NSD2: variants seen among roughly 807,000 people sequenced by gnomAD.
The protein encoded by NSD2 is histone-lysine N-methyltransferase NSD2.
A neutral mutation model predicts 139.0 loss-of-function variants in NSD2; 12 were observed. The observed-to-expected ratio is 0.09, with a 90% CI of 0.06 to 0.14. The LOEUF (loss-of-function observed/expected upper bound fraction) is 0.14. Ranked by LOEUF, NSD2 falls within the 10% of genes least tolerant of loss-of-function variation. The pLI is 1.00. For missense variants in NSD2, 1,155 were observed against 1,745.0 expected (o/e 0.66, Z 6.02); for synonymous variants, 669 against 648.7 (o/e 1.03, Z -0.48).
At chr4:1,960,082 C>T (rs1278698898) in intron 17 of NSD2, among the ~76,000 whole-genome samples, 1 of 152,058 alleles carries the variant, frequency 6.6e-6, no homozygotes, top group East Asian at 1.9e-4. Context: ...TCATTTCGAA[C>T]TCCTGGCCCC....
intron 9 of NSD2, chr4:1,945,561 C>T: frequency 1.9e-6 from 2 of 1,065,536 alleles, no homozygotes; most frequent in Non-Finnish European, 2.3e-6. Context: ...CCTGAGAAGG[C>T]TCTTGCCAGA....
In NSD2 at chr4:1,918,256, A is replaced by G. The variant is rs752594374; in HGVS notation, c.1043A>G (p.Tyr348Cys). The G allele has an allele frequency of 2.5e-6, 4 of 1,613,804 alleles. No homozygotes were observed. The highest frequency in any genetic ancestry group is 1.3e-5 in the African/African-American group (1 of 74,930). ...EERKAKFTFLYVGDQLHLNPQ... is the reference protein window; with the variant it reads ...EERKAKFTFLCVGDQLHLNPQ... Reference sequence around the variant, plus strand: ...CGGAAAGCCAAGTTCACCTTTCTCTATGTGGGGGACCAGCTTCATCTCAAC... The same window carrying G: ...CGGAAAGCCAAGTTCACCTTTCTCTGTGTGGGGGACCAGCTTCATCTCAAC... Residue 348 changes from tyrosine (Y) to cysteine (C), a missense_variant, in exon 5 of 22, where the codon TAT (tyrosine) becomes TGT (cysteine). Physicochemically the swap from Tyr to Cys is radical, Grantham distance 194. Around this residue, in one of 8 missense-constraint regions of NSD2, gnomAD observed 420 missense variants for 469.0 expected, o/e 0.90. Transcript: ENST00000508803.
chr4:1,947,376 G>A, intron 9 of NSD2: 3 of 1,061,648 alleles, frequency 2.8e-6, no homozygotes, highest in Non-Finnish European at 1.1e-6. Flanking sequence ...ACAAAAGCCT[G>A]TGCAGGTTAG....
chr4:1,959,653 C>T lies in NSD2; in HGVS notation c.3168C>T (p.Cys1056=), dbSNP rs760070505. The T allele has an allele frequency of 6.2e-7, 1 of 1,614,102 alleles. No homozygotes were observed. Among genetic ancestry groups the T allele is most frequent in the South Asian group, 1.1e-5 (1 of 91,080 alleles). The part of the protein sequence containing the change: ...CPAGEFCQNQ[C]FTKRQYPETK... ...CGGGCGAGTTCTGCCAGAACCAGTG[C>T]TTCACCAAGCGCCAGTACCCAGAGA... Residue 1056 remains cysteine (C), a synonymous_variant, in exon 17 of 22, where the codon TGC becomes TGT. Coordinates refer to ENST00000508803, the MANE Select transcript of NSD2 (RefSeq NM_001042424.3).
At chr4:1,883,190 TTC>T (rs1714831505) in intron 1 of NSD2, among the ~76,000 whole-genome samples, 2 of 152,174 alleles carry the variant, frequency 1.3e-5, no homozygotes, top group Admixed American at 6.5e-5. Context: ...ATAGCATTCT[TTC>T]TGTGTGCATT....
At chr4:1,943,018 C>T in intron 9 of NSD2, 2 of 1,050,632 alleles carry the variant, frequency 1.9e-6, no homozygotes, top group Non-Finnish European at 1.1e-6. Context: ...CCATTTAACC[C>T]TTTTGATCCA....
intron 1 of NSD2, among the ~76,000 whole-genome samples, chr4:1,890,088 C>G (rs976490797): frequency 1.3e-5 from 2 of 152,100 alleles, no homozygotes; most frequent in African/African-American, 4.8e-5. Context: ...CAGCATGTGG[C>G]CTTTGTATCT....
chr4:1,979,536 A>G lies in NSD2; in HGVS notation c.*627A>G, dbSNP rs1359912505. On this transcript the variant is annotated 3_prime_UTR_variant, in exon 22 of 22. Transcript: ENST00000508803. Reference sequence around the variant, plus strand: ...GTGGTGGCAGCAATGGTGTTGTAAGATTTCCTCCCGTAGTTTTTTCTCCTC... The same window carrying G: ...GTGGTGGCAGCAATGGTGTTGTAAGGTTTCCTCCCGTAGTTTTTTCTCCTC... 4.3e-6 allele frequency: 1 copy of G among 232,834 alleles called. No individual in the cohort carries two copies. Among genetic ancestry groups the G allele is most frequent in the Admixed American group, 5.6e-5 (1 of 17,758 alleles). 14.4% of individuals were successfully genotyped at this position (232,834 alleles called of 1,614,324 possible). A position where few individuals can be genotyped will look rare whatever the true frequency, so the allele number is the denominator to read the frequency against.
chr4:1,886,093 C>T (rs961478347), intron 1 of NSD2, among the ~76,000 whole-genome samples: 1 of 152,194 alleles, frequency 6.6e-6, no homozygotes, highest in Admixed American at 6.5e-5. Flanking sequence ...GAAACTAAAG[C>T]GCGTCCATTG....
chr4:1,970,545 A>T (rs1726349663), intron 18 of NSD2, among the ~76,000 whole-genome samples: 1 of 152,058 alleles, frequency 6.6e-6, no homozygotes, highest in African/African-American at 2.4e-5. Flanking sequence ...GCGTACTCAG[A>T]ATGTTGCCCC....
At chr4:1,872,627 A>AGAGC in intron 1 of NSD2, among the ~76,000 whole-genome samples, 1 of 143,236 alleles carries the variant, frequency 7.0e-6, no homozygotes, top group Admixed American at 7.4e-5. Flanking sequence ...AGAGAGAGAG[A>AGAGC]GAGAGAGAGC....
intron 18 of NSD2, among the ~76,000 whole-genome samples, chr4:1,963,012 C>T (rs1725521897): frequency 6.6e-6 from 1 of 152,096 alleles, no homozygotes. Flanking sequence ...CTCTGGCATA[C>T]CCTATGACAT....
intron 1 of NSD2, among the ~76,000 whole-genome samples, chr4:1,897,950 T>A (rs895292629): frequency 1.6e-4 from 25 of 152,138 alleles, no homozygotes; most frequent in African/African-American, 5.8e-4. Flanking sequence ...AATCTGTACA[T>A]TTGTGTCTTA....
At chr4:1,941,834 C>T (rs1418136600) in intron 9 of NSD2, 19 of 1,053,840 alleles carry the variant, frequency 1.8e-5, no homozygotes, top group Admixed American at 5.4e-5. Context: ...TATATATTAA[C>T]GCGACTGAAC....
intron 15 of NSD2, among the ~76,000 whole-genome samples, chr4:1,957,004 G>A (rs958190153): frequency 2.2e-4 from 33 of 152,164 alleles, no homozygotes; most frequent in African/African-American, 7.5e-4. Context: ...TTAAGAGGGC[G>A]AGACGAAATT....
intron 5 of NSD2, among the ~76,000 whole-genome samples, chr4:1,920,026 G>C (rs1343885060): frequency 6.6e-6 from 1 of 152,180 alleles, no homozygotes; most frequent in Non-Finnish European, 1.5e-5. Flanking sequence ...GCACAATAAG[G>C]AGCCATGAGT....
chr4:1,887,505 T>G (rs1042292895), intron 1 of NSD2: 12 of 152,106 alleles, frequency 7.9e-5, no homozygotes, highest in Non-Finnish European at 1.5e-4. Flanking sequence ...TGGTGAGGTC[T>G]TGCTCCCTTG....
At chr4:1,964,232 C>T (rs1465507330) in intron 18 of NSD2, among the ~76,000 whole-genome samples, 1 of 152,122 alleles carries the variant, frequency 6.6e-6, no homozygotes, top group African/African-American at 2.4e-5. Flanking sequence ...GTAAATCAGA[C>T]AAATACGAAC....
chr4:1,937,378 C>G (rs1437454215), intron 7 of NSD2, among the ~76,000 whole-genome samples: 1 of 152,016 alleles, frequency 6.6e-6, no homozygotes, highest in Non-Finnish European at 1.5e-5. Context: ...TAAAGCAGCC[C>G]TTTGCTGGCA....
Sources: allele counts gnomAD v4.1 joint callset (sites outside exome capture counted in the v4.1 genomes callset), GRCh38; gene constraint gnomAD v4.1.1; regional missense constraint gnomAD v4.1.1; transcripts MANE v1.5; gene names NCBI Gene and HGNC (gene_info 2026-07-23, HGNC 2026-07-21).